Variants in TG observed in about 807,000 individuals in gnomAD.
TG encodes thyroid hormones.
In TG, 270 loss-of-function variants were observed where a neutral mutation model predicts 324.7. That is an observed-to-expected ratio of 0.83 (90% CI 0.75 to 0.92). The LOEUF (loss-of-function observed/expected upper bound fraction) is 0.92, where lower values mean the gene tolerates loss of function less well. Among genes scored for constraint, TG ranks in the 40% least tolerant of loss-of-function variants. The probability of loss-of-function intolerance (pLI) is 0.00; values close to 1 mark genes in which losing one functional copy is unlikely to be tolerated. For synonymous variants in TG, 1,401 were observed against 1,327.0 expected, an observed-to-expected ratio of 1.06 and a Z score of -1.21; for missense variants, 3,591 against 3,456.4, an observed-to-expected ratio of 1.04 and a Z score of -0.98.
At chr8:133,082,315 G>C (rs1166072811) in intron 41 of TG, among the ~76,000 whole-genome samples, 1 of 152,202 alleles carries the variant, frequency 6.6e-6, no homozygotes, top group Non-Finnish European at 1.5e-5. Flanking sequence ...CACTTTGCAT[G>C]ACTGGGGCAA....
rs1223858341 is a variant in TG, at chr8:132,917,805, A to G, written c.4379-1571A>G. 3.3e-5 allele frequency among the ~76,000 whole-genome samples: 5 copies of G among 152,068 alleles called. No homozygotes were observed. The East Asian group carries it at 7.7e-4, about 24-fold the overall frequency. ...TTGGCAGGAGGGGTGGCCTGACCCT[A>G]AAGCTCTGTGAGACTCTCAAACTCA... is the stretch of plus-strand genomic sequence containing the variant. On this transcript the variant is annotated intron_variant, in intron 20 of 47. Coordinates refer to ENST00000220616, the MANE Select transcript of TG (RefSeq NM_003235.5).
At chr8:132,992,088 G>C (rs1052807462) in intron 35 of TG, among the ~76,000 whole-genome samples, 1 of 152,098 alleles carries the variant, frequency 6.6e-6, no homozygotes, top group Non-Finnish European at 1.5e-5. Flanking sequence ...ATCTGCCTTG[G>C]CTGCCTTTCC....
chr8:133,057,024 T>A (rs1408113377), intron 41 of TG, among the ~76,000 whole-genome samples: 2 of 152,166 alleles, frequency 1.3e-5, no homozygotes, highest in Non-Finnish European at 2.9e-5. Flanking sequence ...CGAAGACCAC[T>A]TACTGAGAAG....
intron 43 of TG, chr8:133,102,535 G>A (rs1432069899): frequency 1.3e-5 from 20 of 1,551,134 alleles, no homozygotes; most frequent in Middle Eastern, 1.7e-4. Flanking sequence ...CCCAATGACA[G>A]CAAAGTTAGC....
Position 133,011,939 on chromosome 8 carries a change from G to A in TG, c.6301G>A (p.Val2101Met), listed in dbSNP as rs1376689050. ...GTGGCAGTCCCTGGCCCTCTCTTCA[G>A]TGGTTGTTGATCCATCCATTAGGCA... ...DSWQSLALSS[V>M]VVDPSIRHFD... is the part of the protein sequence containing the mutation. The change falls in exon 36 of 48, where the codon GTG (valine) becomes ATG (methionine). Residue 2101 changes from valine (V) to methionine (M), a missense_variant. Physicochemically the swap from Val to Met is conservative, Grantham distance 21. Transcript: ENST00000220616. 1 of 1,614,198 alleles carries A rather than the reference G, an allele frequency of 6.2e-7. No individual in the cohort carries two copies.
At chr8:132,976,345 A>T (rs1830171325) in intron 34 of TG, among the ~76,000 whole-genome samples, 1 of 152,184 alleles carries the variant, frequency 6.6e-6, no homozygotes, top group Non-Finnish European at 1.5e-5. Flanking sequence ...AAGAAAGGGG[A>T]CCAAACTTGC....
intron 35 of TG, among the ~76,000 whole-genome samples, chr8:132,989,191 G>T (rs1831996764): frequency 1.3e-5 from 2 of 152,218 alleles, no homozygotes; most frequent in African/African-American, 4.8e-5. Flanking sequence ...CTCCCACTGG[G>T]TCCCTCCCAC....
chr8:133,096,483 G>A, intron 43 of TG, 110 bp downstream of exon 43: 1 of 1,312,354 alleles, frequency 7.6e-7, no homozygotes, highest in East Asian at 2.3e-5. Flanking sequence ...AGTAACTACT[G>A]TGTGCAATGC....
In TG at chr8:132,882,621, T is replaced by C; in HGVS notation, c.889+9T>C. The C allele has an allele frequency of 6.2e-7, 1 of 1,614,200 alleles. No individual in the cohort carries two copies. Among genetic ancestry groups the C allele is most frequent in the Non-Finnish European group, 8.5e-7 (1 of 1,180,046 alleles). On this transcript the variant is annotated intron_variant, in intron 7 of 47. Transcript: ENST00000220616. ...CTCTGGCAGATTCCGATGTAAGTAA[T>C]AAACTGCCAACAATGTGCGTGTTTC...
At chr8:132,986,222 A>G (rs1393226150) in intron 35 of TG, among the ~76,000 whole-genome samples, 1 of 151,936 alleles carries the variant, frequency 6.6e-6, no homozygotes, top group East Asian at 1.9e-4. Context: ...CAATCTTTTT[A>G]GGCTCTCTGT....
chr8:133,040,751 AGAG>A (rs774559106), intron 41 of TG, among the ~76,000 whole-genome samples: 2 of 152,146 alleles, frequency 1.3e-5, no homozygotes, highest in African/African-American at 2.4e-5. Flanking sequence ...AGAAGGAGGA[AGAG>A]GAGGAGGTGA....
chr8:133,134,634 C>T (rs1362209185), intron 47 of TG, 42 bp from the exon 48 acceptor site: 1 of 1,560,724 alleles, frequency 6.4e-7, no homozygotes, highest in Non-Finnish European at 8.8e-7. Context: ...AAGAGAAGTC[C>T]TAATCTGGCT....
intron 27 of TG, 81 bp from the exon 28 acceptor site, chr8:132,960,927 G>C: frequency 7.4e-7 from 1 of 1,358,176 alleles, no homozygotes; most frequent in Admixed American, 1.7e-5. Flanking sequence ...CTGTGTCAAG[G>C]GAGATGGGGC....
chr8:132,884,051 G>A (rs1225872699), intron 8 of TG, among the ~76,000 whole-genome samples: 2 of 152,276 alleles, frequency 1.3e-5, no homozygotes, highest in Non-Finnish European at 1.5e-5. Context: ...CCATTGCCAC[G>A]TGGCCATCTT....
chr8:133,002,652 C>A, intron 35 of TG: 1 of 214,898 alleles, frequency 4.7e-6, no homozygotes, highest in South Asian at 1.1e-4. Context: ...TCTGGCCTTT[C>A]CCACTGGTTC....
Position 133,116,621 on chromosome 8 carries a change from C to T in TG, c.7767C>T (p.Ile2589=). 1 of 1,614,154 alleles carries T rather than the reference C, an allele frequency of 6.2e-7. No homozygotes were observed. Among genetic ancestry groups the T allele is most frequent in the Non-Finnish European group, 8.5e-7 (1 of 1,179,948 alleles). Residue 2589 remains isoleucine, a synonymous_variant, in exon 45 of 48, where the codon ATC becomes ATT. Coordinates refer to ENST00000220616, the MANE Select transcript of TG (RefSeq NM_003235.5). ...ALENATRDYF[I]ICPIIDMASA... is the part of the protein sequence containing the mutation. ...CTCTTTTCACCAGGGACTACTTTAT[C>T]ATCTGCCCTATAATCGACATGGCCA... is the stretch of plus-strand genomic sequence containing the variant.
At position 133,019,596 on chromosome 8, in the gene TG, C is replaced by A; in HGVS notation, c.6783-6C>A. On this transcript the variant is annotated splice_region_variant and splice_polypyrimidine_tract_variant and intron_variant, in intron 38 of 47. Transcript: ENST00000220616. ...GTCTTGGAAGTCACCCAGTCTGTAT[C>A]TGCAGGGCCAGCTGCTGGCAGCCAG... The A allele has an allele frequency of 1.9e-6, 3 of 1,613,334 alleles. No homozygotes were observed. Among genetic ancestry groups the A allele is most frequent in the South Asian group, 1.1e-5 (1 of 90,974 alleles).
At chr8:133,040,897 A>G (rs1838092504) in intron 41 of TG, among the ~76,000 whole-genome samples, 1 of 152,190 alleles carries the variant, frequency 6.6e-6, no homozygotes, top group African/African-American at 2.4e-5. Flanking sequence ...AAAAGAATAA[A>G]AGTTAAATAA....
intron 41 of TG, among the ~76,000 whole-genome samples, chr8:133,081,686 T>C (rs1202255047): frequency 6.6e-6 from 1 of 152,104 alleles, no homozygotes; most frequent in Admixed American, 6.6e-5. Flanking sequence ...CTGTCATTGC[T>C]CAACCTAGAC....
Sources: gnomAD v4.1 joint callset for allele counts (sites outside exome capture counted in the v4.1 genomes callset) on GRCh38, gnomAD v4.1.1 for gene constraint, MANE v1.5 for transcripts, NCBI Gene and HGNC (gene_info 2026-07-23, HGNC 2026-07-21) for gene names.